Variants in BBS9 observed in about 807,000 individuals in gnomAD.
BBS9 encodes the protein protein PTHB1.
In BBS9, 89 loss-of-function variants were observed where a neutral mutation model predicts 117.7. The ratio of observed to expected loss-of-function variants is 0.76; its 90% confidence interval spans 0.64 to 0.90. The LOEUF (loss-of-function observed/expected upper bound fraction) is 0.90. BBS9 is among the 40% of genes least tolerant of loss of function. The pLI, the probability that BBS9 is intolerant of heterozygous loss-of-function variation, is 0.00. For synonymous variants in BBS9, 379 were observed against 370.9 expected (o/e 1.02, Z -0.25); for missense variants, 982 against 1,042.2 (o/e 0.94, Z 0.80).
At chr7:33,364,755 G>T (rs1821345679) in intron 16 of BBS9, among the ~76,000 whole-genome samples, 1 of 145,240 alleles carries the variant, frequency 6.9e-6, no homozygotes. Flanking sequence ...CTCTCTCAGG[G>T]TCTTGCTCTG....
chr7:33,368,915 A>C (rs1398705978), intron 17 of BBS9, among the ~76,000 whole-genome samples: 1 of 152,162 alleles, frequency 6.6e-6, no homozygotes, highest in South Asian at 2.1e-4. Flanking sequence ...AGACTCAATA[A>C]TAGGTCACAG....
At chr7:33,366,539 C>CTTTTTT (rs1821766833) in intron 16 of BBS9, among the ~76,000 whole-genome samples, 2 of 100,698 alleles carry the variant, frequency 2.0e-5, no homozygotes, top group African/African-American at 7.5e-5. Flanking sequence ...TTTTTCTTTT[C>CTTTTTT]TTTCTTTTTT....
chr7:33,306,119 T>C (rs1807881784), intron 9 of BBS9, among the ~76,000 whole-genome samples: 1 of 152,114 alleles, frequency 6.6e-6, no homozygotes, highest in South Asian at 2.1e-4. Flanking sequence ...TTTCAAGAAC[T>C]TTTCAGTTTC....
At chr7:33,404,591 A>T (rs996654264) in intron 19 of BBS9, among the ~76,000 whole-genome samples, 5 of 151,508 alleles carry the variant, frequency 3.3e-5, no homozygotes, top group Admixed American at 6.6e-5. Flanking sequence ...TAAGTATTTT[A>T]TTCTCTTTGA....
chr7:33,370,464 T>G (rs769605991), intron 17 of BBS9, among the ~76,000 whole-genome samples: 3 of 151,954 alleles, frequency 2.0e-5, no homozygotes, highest in Non-Finnish European at 4.4e-5. Context: ...AGTGAGACCC[T>G]GTCTCAAAAA....
At chr7:33,319,810 C>G (rs1425917818) in intron 9 of BBS9, among the ~76,000 whole-genome samples, 2 of 152,142 alleles carry the variant, frequency 1.3e-5, no homozygotes, top group Non-Finnish European at 2.9e-5. Flanking sequence ...ATCCATGTAT[C>G]TGACAAAGGA....
intron 21 of BBS9, among the ~76,000 whole-genome samples, chr7:33,573,189 C>T (rs541220809): frequency 3.7e-4 from 57 of 152,062 alleles, no homozygotes; most frequent in Middle Eastern, 3.4e-3. Flanking sequence ...TTTGTACCTT[C>T]CCAAGCTTGA....
chr7:33,289,493 A>G, intron 9 of BBS9, among the ~76,000 whole-genome samples: 1 of 152,212 alleles, frequency 6.6e-6, no homozygotes, highest in East Asian at 1.9e-4. Flanking sequence ...GAGAAAAGTT[A>G]TGGCTTGTGA....
At chr7:33,407,307 G>A (rs1013696970) in intron 19 of BBS9, among the ~76,000 whole-genome samples, 4 of 152,170 alleles carry the variant, frequency 2.6e-5, no homozygotes, top group East Asian at 3.9e-4. Flanking sequence ...GCACTTCTCT[G>A]TATTGGTTAT....
At chr7:33,492,978 C>T (rs1290276928) in intron 19 of BBS9, among the ~76,000 whole-genome samples, 2 of 151,220 alleles carry the variant, frequency 1.3e-5, no homozygotes, top group East Asian at 2.0e-4. Flanking sequence ...CCCCTCTGCT[C>T]TTAGTCTTCT....
chr7:33,590,475 T>TTTTTTTTTTTTTTTTTTTTA (rs1431588070), intron 21 of BBS9, among the ~76,000 whole-genome samples: 1 of 150,204 alleles, frequency 6.7e-6, no homozygotes, highest in Non-Finnish European at 1.5e-5. Flanking sequence ...TTTTTTTTTT[T>TTTTTTTTTTTTTTTTTTTTA]TTACCAGATC....
chr7:33,328,594 C>T (rs1584345618), intron 9 of BBS9, among the ~76,000 whole-genome samples: 1 of 152,140 alleles, frequency 6.6e-6, no homozygotes, highest in African/African-American at 2.4e-5. Context: ...GCAATAAATA[C>T]TATTTAGGGT....
intron 19 of BBS9, among the ~76,000 whole-genome samples, chr7:33,453,133 G>T (rs1838136765): frequency 6.6e-6 from 1 of 152,166 alleles, no homozygotes; most frequent in Non-Finnish European, 1.5e-5. Flanking sequence ...ATCATGCTAG[G>T]TCTTAACTAT....
chr7:33,462,767 A>C (rs1839650965), intron 19 of BBS9, among the ~76,000 whole-genome samples: 1 of 152,046 alleles, frequency 6.6e-6, no homozygotes, highest in African/African-American at 2.4e-5. Flanking sequence ...AATAAGTCAA[A>C]TTCAGGTTAC....
intron 19 of BBS9, among the ~76,000 whole-genome samples, chr7:33,414,725 A>G (rs976059107): frequency 5.9e-5 from 9 of 152,170 alleles, no homozygotes; most frequent in African/African-American, 1.4e-4. Flanking sequence ...CTTTATTACT[A>G]TGAACAATGC....
At chr7:33,422,159 A>G (rs1832947640) in intron 19 of BBS9, among the ~76,000 whole-genome samples, 1 of 152,176 alleles carries the variant, frequency 6.6e-6, no homozygotes, top group African/African-American at 2.4e-5. Context: ...TATAGCTGCT[A>G]TAGCTTTTCG....
At chr7:33,260,111 T>A (rs1797735124) in intron 6 of BBS9, among the ~76,000 whole-genome samples, 1 of 151,936 alleles carries the variant, frequency 6.6e-6, no homozygotes, top group African/African-American at 2.4e-5. Flanking sequence ...GCAATTGTCC[T>A]GCCTCAGCCT....
At chr7:33,466,065 G>T (rs11981337) in intron 19 of BBS9, among the ~76,000 whole-genome samples, 17,579 of 150,444 alleles carry the variant, frequency 0.12, 1,163 homozygotes, top group Non-Finnish European at 0.16. Context: ...TTGAGAGAGA[G>T]ATATATATAT....
chr7:33,230,883 G>C (rs904888345), intron 5 of BBS9, among the ~76,000 whole-genome samples: 4 of 152,128 alleles, frequency 2.6e-5, no homozygotes, highest in African/African-American at 9.7e-5. Flanking sequence ...ATAAACATAT[G>C]CATGCAGGTG....
Sources: allele counts gnomAD v4.1 joint callset (sites outside exome capture counted in the v4.1 genomes callset), GRCh38; gene constraint gnomAD v4.1.1; transcripts MANE v1.5; gene names NCBI Gene and HGNC (gene_info 2026-07-23, HGNC 2026-07-21).